DAB1: variants seen among roughly 807,000 people sequenced by gnomAD.
DAB1 encodes DAB adaptor protein 1, also known as disabled homolog 1.
DAB1 carries 15 observed loss-of-function variants against 64.6 expected under a neutral mutation model. The ratio of observed to expected loss-of-function variants is 0.23; its 90% CI spans 0.16 to 0.36. DAB1 has a LOEUF of 0.36. DAB1 is among the 10% of genes least tolerant of loss of function. DAB1 has a pLI of 1.00. For synonymous variants in DAB1, 235 were observed against 251.9 expected (o/e 0.93, Z 0.64); for missense variants, 596 against 706.7 (o/e 0.84, Z 1.78).
At position 58,125,259 on chromosome 1, in the gene DAB1, A is replaced by G. The variant is rs566531963; in HGVS notation, n.387+25252T>C. The stretch of plus-strand genomic sequence containing the variant: ...ACTAATTTGTTTATTTGTTTGTACA[A>G]TGTAAAAAACATAAATTTTGGTTCA... On this transcript the variant is annotated intron_variant and non_coding_transcript_variant, in intron 5 of 20. Transcript: ENST00000485760. Among the ~76,000 whole-genome samples, 250 of 152,234 alleles carry G rather than the reference A, an allele frequency of 1.6e-3. 1 individual carries two copies. The highest frequency in any genetic ancestry group is 6.7e-3 in the Admixed American group (103 of 15,288).
At chr1:57,243,180 G>C (rs937045552) in intron 2 of DAB1, among the ~76,000 whole-genome samples, 2 of 152,132 alleles carry the variant, frequency 1.3e-5, no homozygotes, top group Non-Finnish European at 2.9e-5. Context: ...GATCAGCCAT[G>C]ATGGATCAAT....
chr1:57,165,637 G>T (rs987244832), intron 2 of DAB1, among the ~76,000 whole-genome samples: 3 of 152,126 alleles, frequency 2.0e-5, no homozygotes, highest in Non-Finnish European at 4.4e-5. Flanking sequence ...AATTTCAACT[G>T]CCCTAAGAGG....
At chr1:57,402,200 G>A (rs1683298671) in intron 1 of DAB1, among the ~76,000 whole-genome samples, 1 of 152,136 alleles carries the variant, frequency 6.6e-6, no homozygotes, top group African/African-American at 2.4e-5. Flanking sequence ...TTGCTGATAT[G>A]CTTTATGCTG....
chr1:57,871,740 A>G (rs185911113), intron 1 of DAB1, among the ~76,000 whole-genome samples: 15 of 152,300 alleles, frequency 9.8e-5, no homozygotes, highest in African/African-American at 3.6e-4. Flanking sequence ...TGGTCTTTTT[A>G]TCAGAATTTT....
intron 11 of DAB1, among the ~76,000 whole-genome samples, chr1:57,016,155 T>C (rs6668269): frequency 0.38 from 58,155 of 152,092 alleles, 13,351 homozygotes; most frequent in African/African-American, 0.65. Flanking sequence ...GTTAGTAGTA[T>C]GGTTTGGATT....
intron 4 of DAB1, among the ~76,000 whole-genome samples, chr1:58,155,289 C>T (rs533322872): frequency 6.6e-6 from 1 of 152,244 alleles, no homozygotes; most frequent in East Asian, 1.9e-4. Context: ...GTGATTTTGC[C>T]CTCCAGGGAA....
chr1:57,175,398 T>C (rs1244021440), intron 2 of DAB1, among the ~76,000 whole-genome samples: 1 of 151,938 alleles, frequency 6.6e-6, no homozygotes, highest in Non-Finnish European at 1.5e-5. Flanking sequence ...GATTTCTCTG[T>C]TGGGTTAACA....
At chr1:57,682,743 T>G (rs940401209) in intron 6 of DAB1, among the ~76,000 whole-genome samples, 5 of 152,046 alleles carry the variant, frequency 3.3e-5, no homozygotes, top group Admixed American at 2.6e-4. Flanking sequence ...AGCTTTTGTG[T>G]GGGGGGAAGC....
intron 5 of DAB1, among the ~76,000 whole-genome samples, chr1:58,127,673 C>T (rs1369477886): frequency 1.3e-5 from 2 of 152,210 alleles, no homozygotes; most frequent in Non-Finnish European, 2.9e-5. Flanking sequence ...CAGCTTTCTA[C>T]ATATGGCTAG....
At chr1:58,116,853 T>C (rs1304343955) in intron 5 of DAB1, among the ~76,000 whole-genome samples, 1 of 152,170 alleles carries the variant, frequency 6.6e-6, no homozygotes, top group African/African-American at 2.4e-5. Context: ...AAAATAATGA[T>C]GACATAACTC....
chr1:57,796,921 G>C (rs1457912615), intron 6 of DAB1, among the ~76,000 whole-genome samples: 1 of 152,160 alleles, frequency 6.6e-6, no homozygotes, highest in Non-Finnish European at 1.5e-5. Context: ...AGCCTATTGT[G>C]ATGTTCTCTG....
At chr1:58,402,670 G>T (rs950991807) in intron 3 of DAB1, among the ~76,000 whole-genome samples, 2 of 151,978 alleles carry the variant, frequency 1.3e-5, no homozygotes, top group African/African-American at 2.4e-5. Context: ...GAGGGAGAGA[G>T]GGTGATTTCA....
chr1:57,870,855 C>T (rs1643934601), intron 1 of DAB1, among the ~76,000 whole-genome samples: 1 of 152,126 alleles, frequency 6.6e-6, no homozygotes, highest in Non-Finnish European at 1.5e-5. Flanking sequence ...TGCCAAGTCT[C>T]AATTTTCTCA....
intron 3 of DAB1, among the ~76,000 whole-genome samples, chr1:58,388,696 A>G (rs1269450134): frequency 6.6e-6 from 1 of 152,234 alleles, no homozygotes; most frequent in Non-Finnish European, 1.5e-5. Flanking sequence ...TAAACCAAGT[A>G]CAATCCTAGT....
chr1:57,051,943 C>A (rs1208521048), intron 9 of DAB1, among the ~76,000 whole-genome samples: 1 of 152,106 alleles, frequency 6.6e-6, no homozygotes, highest in East Asian at 1.9e-4. Flanking sequence ...GAGGGCTGTG[C>A]ATTTCCTTTC....
intron 3 of DAB1, among the ~76,000 whole-genome samples, chr1:58,433,249 T>C (rs1042412387): frequency 1.3e-5 from 2 of 151,870 alleles, no homozygotes; most frequent in Non-Finnish European, 2.9e-5. Flanking sequence ...TATGAGTAAA[T>C]AGTAGGGAGG....
At chr1:57,099,932 G>C (rs1654515421) in intron 4 of DAB1, among the ~76,000 whole-genome samples, 1 of 152,316 alleles carries the variant, frequency 6.6e-6, no homozygotes, top group South Asian at 2.1e-4. Flanking sequence ...TAAGAACTGA[G>C]AGCGTTGGCT....
At chr1:58,274,631 C>G (rs1419599715) in intron 4 of DAB1, among the ~76,000 whole-genome samples, 1 of 151,932 alleles carries the variant, frequency 6.6e-6, no homozygotes, top group Non-Finnish European at 1.5e-5. Context: ...AGTTTGATCT[C>G]AGACTTCTGT....
At chr1:57,956,556 G>A (rs1645398003) in intron 5 of DAB1, among the ~76,000 whole-genome samples, 2 of 152,200 alleles carry the variant, frequency 1.3e-5, no homozygotes, top group Non-Finnish European at 2.9e-5. Flanking sequence ...GGCACAGAAG[G>A]GTGGAGGGAA....
Sources: gnomAD v4.1 joint callset for allele counts (sites outside exome capture counted in the v4.1 genomes callset) on GRCh38, gnomAD v4.1.1 for gene constraint, MANE v1.5 for transcripts, NCBI Gene and HGNC (gene_info 2026-07-23, HGNC 2026-07-21) for gene names.